The following NAA25 variants were observed in gnomAD, a reference collection of about 807,000 sequenced individuals.
NAA25 encodes the protein N-alpha-acetyltransferase 25, NatB auxiliary subunit.
NAA25 carries 30 observed loss-of-function variants against 132.5 expected under a neutral mutation model. The observed-to-expected ratio is 0.23, with a 90% confidence interval of 0.17 to 0.31. The LOEUF is 0.31. NAA25 is among the 10% of genes least tolerant of loss of function. The pLI is 1.00. For missense variants in NAA25, 771 were observed against 1,150.4 expected (o/e 0.67, Z 4.77); for synonymous variants, 359 against 401.9 (o/e 0.89, Z 1.28).
At chr12:112,099,852 C>T (rs1171266067) in intron 1 of NAA25, among the ~76,000 whole-genome samples, 1 of 152,196 alleles carries the variant, frequency 6.6e-6, no homozygotes, top group East Asian at 1.9e-4. Flanking sequence ...CATGAATGGT[C>T]TCCTTAGCAG....
intron 11 of NAA25, among the ~76,000 whole-genome samples, chr12:112,064,852 T>C (rs1450035076): frequency 1.3e-5 from 2 of 150,890 alleles, no homozygotes; most frequent in African/African-American, 2.4e-5. Flanking sequence ...CTCACGAACA[T>C]GGAGAAACCC....
chr12:112,042,962 C>T, intron 19 of NAA25, 126 bp downstream of exon 19: 3 of 845,798 alleles, frequency 3.5e-6, no homozygotes, highest in African/African-American at 3.4e-5. Flanking sequence ...CTACACCACA[C>T]ATTTGCAGAA....
chr12:112,050,124 A>C (rs2078441874), intron 15 of NAA25, among the ~76,000 whole-genome samples: 1 of 152,110 alleles, frequency 6.6e-6, no homozygotes, highest in Non-Finnish European at 1.5e-5. Context: ...GTCTTTAACA[A>C]ACTAAGAAGG....
rs775858483 is a variant in NAA25, at chr12:112,049,754, G to C, written c.1729-1311C>G. The C allele has an allele frequency of 2.0e-6, 1 of 507,914 alleles. No homozygotes were observed. Among genetic ancestry groups the C allele is most frequent in the Non-Finnish European group, 2.5e-6 (1 of 393,992 alleles). 31.5% of individuals were successfully genotyped at this position (507,914 alleles called of 1,614,324 possible). On this transcript the variant is annotated intron_variant, in intron 15 of 23. Transcript: ENST00000261745. The surrounding 1 kb of genome is among the most constrained non-coding windows in gnomAD (Gnocchi z 4.7). ...ACAGTGATACACCCTATCAAGAGGA[G>C]GCCAGGATACTCTAAACACATATGC...
At chr12:112,087,533 A>G (rs1244714357) in intron 4 of NAA25, 150 bp downstream of exon 4, 7 of 618,270 alleles carry the variant, frequency 1.1e-5, no homozygotes, top group East Asian at 2.7e-5. Context: ...CTTTAAACAC[A>G]TAAGGAAAAC....
rs1358361532 is a variant in NAA25, at chr12:112,049,628, C to CG, written c.1729-1186dup. 67 of 985,508 alleles carry CG rather than the reference C, an allele frequency of 6.8e-5. No homozygotes were observed. The highest frequency in any genetic ancestry group is 8.0e-5 in the Non-Finnish European group (66 of 829,932). 61.0% of individuals were successfully genotyped at this position (985,508 alleles called of 1,614,324 possible). A position where few individuals can be genotyped will look rare whatever the true frequency, so the allele number is the denominator to read the frequency against. ...CTGCAGTATCTGGAGAAATTAAAGACGGACGGACACAAGAAAATTAAAAAG... is the reference window on the plus strand; with the variant it reads ...CTGCAGTATCTGGAGAAATTAAAGACGGGACGGACACAAGAAAATTAAAAAG... On this transcript the variant is annotated intron_variant, in intron 15 of 23. Transcript: ENST00000261745. This position sits in a 1 kb window ranked among gnomAD's most constrained non-coding sequence, Gnocchi z 4.7.
intron 13 of NAA25, 96 bp from the exon 14 acceptor site, chr12:112,054,664 C>T: frequency 9.1e-7 from 1 of 1,103,044 alleles, no homozygotes; most frequent in Non-Finnish European, 1.3e-6. Context: ...ATCACCCCCC[C>T]CAATAAATGA....
At position 112,047,789 on chromosome 12, in the gene NAA25, A is replaced by T. The variant is rs768281975; in HGVS notation, c.1882T>A (p.Ser628Thr). ...LLDLLLEANI[S>T]TSLAESIKSM... is the part of the protein sequence containing the mutation. ...TTTATACTTTCTGCTAAACTGGTTG[A>T]TCTGTGATAGAGAAAAATCCACATA... is the stretch of plus-strand genomic sequence containing the variant. Residue 628 changes from serine to threonine, a missense_variant and splice_region_variant, in exon 17 of 24, where the codon TCA becomes ACA. Transcript: ENST00000261745. The T allele has an allele frequency of 5.0e-6, 8 of 1,600,076 alleles. No homozygotes were observed. The highest frequency in any genetic ancestry group is 1.1e-5 in the South Asian group (1 of 87,180).
chr12:112,078,977 G>A (rs2078932197), intron 5 of NAA25, among the ~76,000 whole-genome samples: 1 of 152,064 alleles, frequency 6.6e-6, no homozygotes, highest in Non-Finnish European at 1.5e-5. Context: ...ATACAACCTA[G>A]CATTTAAGTC....
intron 1 of NAA25, among the ~76,000 whole-genome samples, chr12:112,100,952 C>T (rs1184049567): frequency 6.6e-6 from 1 of 152,078 alleles, no homozygotes; most frequent in Non-Finnish European, 1.5e-5. Flanking sequence ...TTTCAATATC[C>T]TTAAAATGGA....
intron 1 of NAA25, among the ~76,000 whole-genome samples, chr12:112,101,424 A>G (rs2079293892): frequency 6.6e-6 from 1 of 152,202 alleles, no homozygotes; most frequent in East Asian, 1.9e-4. Context: ...GTATGGGGGA[A>G]AAAAGGGCAG....
At chr12:112,052,870 A>C (rs181067950) in intron 15 of NAA25, among the ~76,000 whole-genome samples, 61 of 152,334 alleles carry the variant, frequency 4.0e-4, no homozygotes, top group African/African-American at 1.4e-3. Context: ...ACCACCCTGG[A>C]GACATTCCTT....
At chr12:112,086,914 G>C (rs1470059187) in intron 4 of NAA25, among the ~76,000 whole-genome samples, 3 of 12,462 alleles carry the variant, frequency 2.4e-4, no homozygotes, top group Non-Finnish European at 3.7e-4. Context: ...AGGAGGCTGA[G>C]GCAGAATAGC....
Position 112,040,508 on chromosome 12 carries a change from A to T in NAA25, c.2511T>A (p.Leu837=). The part of the protein sequence containing the change: ...KDGNLKTHPT[L]LENLVFFVET... ...CAACAAAGAAAACTAGATTTTCTAA[A>T]AGAGTAGGATGTGTTTTCAAGTTAC... The change falls in exon 21 of 24, where the codon CTT becomes CTA. Residue 837 remains leucine (L), a synonymous_variant. Coordinates refer to ENST00000261745, the MANE Select transcript of NAA25 (RefSeq NM_024953.4). 1 of 1,599,886 alleles carries T rather than the reference A, an allele frequency of 6.3e-7. No individual in the cohort carries two copies. The highest frequency in any genetic ancestry group is 8.5e-7 in the Non-Finnish European group (1 of 1,170,048).
chr12:112,050,947 C>T (rs543521273), intron 15 of NAA25, among the ~76,000 whole-genome samples: 1 of 152,186 alleles, frequency 6.6e-6, no homozygotes, highest in East Asian at 1.9e-4. Flanking sequence ...TGTCAAAGAG[C>T]TAGGTGGGAA....
intron 3 of NAA25, among the ~76,000 whole-genome samples, chr12:112,089,764 C>T (rs1197891528): frequency 6.6e-6 from 1 of 151,882 alleles, no homozygotes; most frequent in Non-Finnish European, 1.5e-5. Flanking sequence ...GAGGCCAAGG[C>T]AAGTGGATCA....
At chr12:112,103,521 G>GA (rs952532959) in intron 1 of NAA25, among the ~76,000 whole-genome samples, 1 of 152,014 alleles carries the variant, frequency 6.6e-6, no homozygotes, top group African/African-American at 2.4e-5. Context: ...TTTCAGAATG[G>GA]AAAAAAATAG....
chr12:112,084,085 A>G (rs2079009344), intron 4 of NAA25, among the ~76,000 whole-genome samples: 1 of 152,224 alleles, frequency 6.6e-6, no homozygotes, highest in African/African-American at 2.4e-5. Context: ...GATGACAGAC[A>G]AGTTTAAAAA....
At position 112,043,210 on chromosome 12, in the gene NAA25, T is replaced by C. The variant is rs762482325; in HGVS notation, c.2252A>G (p.Tyr751Cys). The C allele has an allele frequency of 1.1e-5, 18 of 1,580,600 alleles. No homozygotes were observed. Among genetic ancestry groups the C allele is most frequent in the Non-Finnish European group, 1.4e-5 (16 of 1,165,766 alleles). The change falls in exon 19 of 24, where the codon TAT becomes TGT. Residue 751 changes from tyrosine (Y) to cysteine (C), a missense_variant and splice_region_variant. This residue lies in a region of NAA25 where 324 missense variants were observed against 400.0 expected (regional missense o/e 0.81). Transcript: ENST00000261745. ...GKRFIEKDIQ[Y>C]PFLGPVPTRM... is the part of the protein sequence containing the mutation. ...GGTAGGTACAGGACCAAGGAAAGGA[T>C]ACTGGAAAAAAGGGAGAAAAATAAT... is the stretch of plus-strand genomic sequence containing the variant.
Sources: gnomAD v4.1 joint callset for allele counts (sites outside exome capture counted in the v4.1 genomes callset) on GRCh38, gnomAD v4.1.1 for gene constraint, gnomAD v4.1.1 regional missense constraint, Gnocchi (gnomAD v3.1) non-coding constraint, MANE v1.5 for transcripts, NCBI Gene and HGNC (gene_info 2026-07-23, HGNC 2026-07-21) for gene names.